The following MCC variants were observed in gnomAD, a reference collection of about 807,000 sequenced individuals.
The protein encoded by MCC is MCC regulator of Wnt signaling pathway.
Under a neutral mutation model 116.2 loss-of-function variants are expected in MCC, and 90 were observed. The ratio of observed to expected loss-of-function variants is 0.77; its 90% CI spans 0.65 to 0.92. The LOEUF (loss-of-function observed/expected upper bound fraction) is 0.92. Ranked by LOEUF, MCC falls within the 40% of genes least tolerant of loss-of-function variation. The pLI, the probability that MCC is intolerant of heterozygous loss-of-function variation, is 0.00. For synonymous variants in MCC, 578 were observed against 510.5 expected (o/e 1.13, Z -1.78); for missense variants, 1,516 against 1,312.2 (o/e 1.16, Z -2.40).
intron 3 of MCC, among the ~76,000 whole-genome samples, chr5:113,249,200 A>C (rs1302777355): frequency 6.6e-6 from 1 of 152,150 alleles, no homozygotes; most frequent in African/African-American, 2.4e-5. Flanking sequence ...GTGGATCCAG[A>C]AACAGAAGGG....
rs772752174 is a variant in MCC, at chr5:113,049,194, C to A, written c.2554G>T (p.Val852Leu). Residue 852 changes from valine (V) to leucine (L), a missense_variant, in exon 16 of 19, where the codon GTG becomes TTG. Coordinates refer to ENST00000408903, the MANE Select transcript of MCC (RefSeq NM_001085377.2). Reference sequence around the variant, plus strand: ...TCGGACTTCAGGTGCTCAATGTGCACCAGGTAGGCCTGCTCCTGGGCCTCC... The same window carrying A: ...TCGGACTTCAGGTGCTCAATGTGCAACAGGTAGGCCTGCTCCTGGGCCTCC... Reference protein sequence around the residue: ...TREAQEQAYLVHIEHLKSEVE... With the variant: ...TREAQEQAYLLHIEHLKSEVE... 12 of 1,614,076 alleles carry A rather than the reference C, an allele frequency of 7.4e-6. No individual in the cohort carries two copies. The highest frequency in any genetic ancestry group is 1.1e-5 in the South Asian group (1 of 91,090).
intron 1 of MCC, among the ~76,000 whole-genome samples, chr5:113,477,270 T>A (rs1400481492): frequency 6.6e-6 from 1 of 152,172 alleles, no homozygotes; most frequent in South Asian, 2.1e-4. Context: ...GGTTGAGGCA[T>A]TTCTGTAAAT....
rs188580074 is a variant in MCC at position 113,253,541 on chromosome 5, A to G, written c.627+86978T>C. On this transcript the variant is annotated intron_variant, in intron 3 of 18. Transcript: ENST00000408903. ...CCCTCAATTTCAGAGCTCACAACCC[A>G]TACTCCTAGTGAAAGAAAAGGCCAA... 2.6e-5 allele frequency among the ~76,000 whole-genome samples: 4 copies of G among 152,216 alleles called. No individual in the cohort carries two copies. In the East Asian group the frequency reaches 5.8e-4, roughly 22 times the overall value.
chr5:113,433,482 G>A, intron 1 of MCC: 1 of 614,620 alleles, frequency 1.6e-6, no homozygotes, highest in Non-Finnish European at 2.9e-6. Context: ...TCTGTGTCCA[G>A]CACCTGCTCC....
intron 6 of MCC, among the ~76,000 whole-genome samples, chr5:113,109,811 G>A (rs1006224952): frequency 6.6e-6 from 1 of 152,222 alleles, no homozygotes; most frequent in South Asian, 2.1e-4. Context: ...CCTGTGGGTT[G>A]GAGAGCAAGA....
intron 3 of MCC, among the ~76,000 whole-genome samples, chr5:113,274,816 A>G (rs1217902505): frequency 6.6e-6 from 1 of 152,148 alleles, no homozygotes; most frequent in African/African-American, 2.4e-5. Context: ...TTCATCATCC[A>G]AGTTCCCACA....
chr5:113,488,329 C>G lies in MCC; in HGVS notation c.86G>C (p.Ser29Thr). 7.1e-7 allele frequency: 1 copy of G among 1,403,358 alleles called. No individual in the cohort carries two copies. The highest frequency in any genetic ancestry group is 1.8e-4 in the Middle Eastern group (1 of 5,482). The allele number at this position is 1,403,358 out of a possible 1,614,324, so 86.9% of individuals were successfully genotyped here. A position where few individuals can be genotyped will look rare whatever the true frequency, so the allele number is the denominator to read the frequency against. Residue 29 changes from serine (S) to threonine (T), a missense_variant, in exon 1 of 19, where the codon AGC (serine) becomes ACC (threonine). Ser to Thr is a moderately conservative substitution (Grantham distance 58). Transcript: ENST00000408903. ...CTCCTCGCCGGTGCTGGACGTGTCG[C>G]TGCTGCTGCTGCTGCTGCCGCTGCC... ...GGGSGSSSSS[S>T]DTSSTGEEER... is the part of the protein sequence containing the mutation.
At chr5:113,088,143 TTAATGA>T (rs1445455741) in intron 8 of MCC, among the ~76,000 whole-genome samples, 1 of 152,164 alleles carries the variant, frequency 6.6e-6, no homozygotes, top group African/African-American at 2.4e-5. Flanking sequence ...GCTTTATTAT[TTAATGA>T]TAGTTGCTAG....
At chr5:113,032,918 C>A (rs949131244) in intron 17 of MCC, among the ~76,000 whole-genome samples, 82 of 152,326 alleles carry the variant, frequency 5.4e-4, no homozygotes, top group African/African-American at 2.0e-3. Flanking sequence ...GGAAGTTACC[C>A]TATAACGTCT....
At chr5:113,394,306 T>A (rs1769473214) in intron 1 of MCC, among the ~76,000 whole-genome samples, 1 of 152,138 alleles carries the variant, frequency 6.6e-6, no homozygotes, top group Non-Finnish European at 1.5e-5. Context: ...CTCAACATTT[T>A]CCACCTGGTT....
intron 3 of MCC, among the ~76,000 whole-genome samples, chr5:113,170,167 A>G (rs1394997694): frequency 6.6e-6 from 1 of 152,210 alleles, no homozygotes; most frequent in East Asian, 1.9e-4. Flanking sequence ...AAGCTTGACC[A>G]TTGATGGTAG....
Position 113,063,981 on chromosome 5 carries a change from T to G in MCC, c.2213+3A>C. On this transcript the variant is annotated splice_donor_region_variant and intron_variant, in intron 14 of 18. Coordinates refer to ENST00000408903, the MANE Select transcript of MCC (RefSeq NM_001085377.2). ...CACCCCAGAGCAGAAGGCTGAGCAT[T>G]ACCTGGTGTGGCTGTTGGAGGAAAG... The G allele has an allele frequency of 6.2e-7, 1 of 1,610,930 alleles. No homozygotes were observed.
Position 113,252,431 on chromosome 5 carries a change from C to T in MCC, c.627+88088G>A, listed in dbSNP as rs7737770. ...CATGAACTCTATTGTAAACTGAGCA[C>T]GTGAGGGATCTAGGTTGCAAGCTCC... On this transcript the variant is annotated intron_variant, in intron 3 of 18. Transcript: ENST00000408903. Among the ~76,000 whole-genome samples, 582 of 152,250 alleles carry T rather than the reference C, an allele frequency of 3.8e-3. 1 individual carries two copies. The highest frequency in any genetic ancestry group is 5.9e-3 in the Non-Finnish European group (400 of 68,008).
chr5:113,134,944 CTT>C (rs1554056937), intron 5 of MCC, among the ~76,000 whole-genome samples: 13 of 128,258 alleles, frequency 1.0e-4, no homozygotes, highest in African/African-American at 2.2e-4. Flanking sequence ...ACTTTTACTT[CTT>C]TTTTTTTTTT....
intron 3 of MCC, among the ~76,000 whole-genome samples, chr5:113,158,850 T>C (rs938877973): frequency 2.6e-5 from 4 of 152,194 alleles, no homozygotes; most frequent in African/African-American, 9.7e-5. Context: ...TTCTCCACTA[T>C]GTGCATCACT....
chr5:113,057,113 G>A (rs886165232), intron 14 of MCC, among the ~76,000 whole-genome samples: 31 of 152,190 alleles, frequency 2.0e-4, no homozygotes, highest in African/African-American at 7.5e-4. Flanking sequence ...GCGGCCAGCA[G>A]AACGAGATGG....
At chr5:113,223,933 T>C (rs1452125188) in intron 3 of MCC, among the ~76,000 whole-genome samples, 2 of 152,090 alleles carry the variant, frequency 1.3e-5, no homozygotes, top group African/African-American at 2.4e-5. Flanking sequence ...GGCCAAGGAC[T>C]CCTAGACCTT....
At chr5:113,121,643 T>C (rs1410851754) in intron 6 of MCC, among the ~76,000 whole-genome samples, 4 of 152,240 alleles carry the variant, frequency 2.6e-5, no homozygotes, top group African/African-American at 9.6e-5. Flanking sequence ...GTTGTAGCAC[T>C]TATAGGATTT....
At chr5:113,100,381 A>T (rs1202008075) in intron 8 of MCC, among the ~76,000 whole-genome samples, 1 of 151,962 alleles carries the variant, frequency 6.6e-6, no homozygotes, top group Non-Finnish European at 1.5e-5. Flanking sequence ...ATAGAAGAGC[A>T]AGTTATTTAC....
Sources: allele counts gnomAD v4.1 joint callset (sites outside exome capture counted in the v4.1 genomes callset), GRCh38; gene constraint gnomAD v4.1.1; transcripts MANE v1.5; gene names NCBI Gene and HGNC (gene_info 2026-07-23, HGNC 2026-07-21).